The following GRIK2 variants were observed in gnomAD, a reference collection of about 807,000 sequenced individuals.
GRIK2 encodes the protein glutamate receptor ionotropic, kainate 2.
Under a neutral mutation model 100.3 loss-of-function variants are expected in GRIK2, and 32 were observed. That is an observed-to-expected ratio of 0.32 (90% confidence interval 0.24 to 0.43). GRIK2 has a LOEUF of 0.43. GRIK2 is among the 20% of genes least tolerant of loss of function. The pLI, the probability that GRIK2 is intolerant of heterozygous loss-of-function variation, is 1.00. For missense variants in GRIK2, 843 were observed against 1,114.9 expected, an observed-to-expected ratio of 0.76 and a Z score of 3.47; for synonymous variants, 417 against 389.4, an observed-to-expected ratio of 1.07 and a Z score of -0.83.
intron 15 of GRIK2, among the ~76,000 whole-genome samples, chr6:102,048,945 C>A (rs1473614779): frequency 6.6e-6 from 1 of 151,726 alleles, no homozygotes; most frequent in Non-Finnish European, 1.5e-5. Context: ...ACCCAGTAAG[C>A]CCTTTAGACT....
chr6:101,707,282 T>G (rs1161844095), intron 7 of GRIK2, among the ~76,000 whole-genome samples: 2 of 151,442 alleles, frequency 1.3e-5, no homozygotes, highest in Admixed American at 1.3e-4. Flanking sequence ...CAATGAGGCA[T>G]GCCAGCAATG....
In GRIK2 at chr6:101,488,295, C is replaced by T. The variant is rs142214575; in HGVS notation, c.115+88903C>T. ...GAAGTATAACTTCCATAGTTTATGA[C>T]TCCCAAAGTCAATGCAATGTCTTCA... On this transcript the variant is annotated intron_variant, in intron 2 of 16. Transcript: ENST00000369134. Among the ~76,000 whole-genome samples, 4 of 146,830 alleles carry T rather than the reference C, an allele frequency of 2.7e-5. 1 individual carries two copies. The highest frequency in any genetic ancestry group is 3.9e-4 in the East Asian group (2 of 5,142).
intron 12 of GRIK2, among the ~76,000 whole-genome samples, chr6:101,896,602 A>G (rs911656653): frequency 6.6e-6 from 1 of 151,732 alleles, no homozygotes; most frequent in African/African-American, 2.4e-5. Flanking sequence ...CAGAAATTTG[A>G]TAGCCCATCT....
At chr6:101,690,434 A>C (rs1772011301) in intron 7 of GRIK2, among the ~76,000 whole-genome samples, 1 of 152,214 alleles carries the variant, frequency 6.6e-6, no homozygotes, top group East Asian at 1.9e-4. Flanking sequence ...TTACTGTATC[A>C]ATATTTTTCT....
At chr6:102,003,632 GAC>G (rs1318177603) in intron 14 of GRIK2, among the ~76,000 whole-genome samples, 5 of 151,648 alleles carry the variant, frequency 3.3e-5, no homozygotes, top group African/African-American at 1.2e-4. Context: ...GTCCTTGCAT[GAC>G]AAAGGCTGTT....
At chr6:101,650,280 G>C (rs976631242) in intron 4 of GRIK2, among the ~76,000 whole-genome samples, 1 of 152,110 alleles carries the variant, frequency 6.6e-6, no homozygotes, top group East Asian at 1.9e-4. Flanking sequence ...ATTTTCCACT[G>C]TTTGGCTAGA....
chr6:101,515,306 C>T (rs1269560900), intron 2 of GRIK2, among the ~76,000 whole-genome samples: 1 of 152,008 alleles, frequency 6.6e-6, no homozygotes, highest in Non-Finnish European at 1.5e-5. Flanking sequence ...TTTCTTTATC[C>T]ACTGGCTGAT....
At chr6:101,839,913 T>C (rs1303283148) in intron 10 of GRIK2, among the ~76,000 whole-genome samples, 2 of 152,108 alleles carry the variant, frequency 1.3e-5, no homozygotes, top group African/African-American at 4.8e-5. Context: ...TTTCTTGTAA[T>C]ATATTGATCT....
intron 7 of GRIK2, among the ~76,000 whole-genome samples, chr6:101,735,460 T>TAA (rs1467540772): frequency 6.6e-6 from 1 of 152,180 alleles, no homozygotes; most frequent in African/African-American, 2.4e-5. Flanking sequence ...GTAATGGACT[T>TAA]ACAGCTCTGC....
At chr6:101,729,462 C>T (rs140346101) in intron 7 of GRIK2, among the ~76,000 whole-genome samples, 35 of 151,908 alleles carry the variant, frequency 2.3e-4, no homozygotes, top group Admixed American at 1.3e-4. Context: ...ATGTATAGAA[C>T]GTACTAATTA....
At chr6:101,661,417 G>C (rs913024495) in intron 4 of GRIK2, among the ~76,000 whole-genome samples, 1 of 152,082 alleles carries the variant, frequency 6.6e-6, no homozygotes, top group Non-Finnish European at 1.5e-5. Context: ...GGGCTCGGTG[G>C]GGGTGAGATA....
At chr6:101,639,126 A>T (rs1241150895) in intron 4 of GRIK2, among the ~76,000 whole-genome samples, 1 of 151,974 alleles carries the variant, frequency 6.6e-6, no homozygotes, top group Non-Finnish European at 1.5e-5. Context: ...TGCAACCCCC[A>T]CCTTCCGGAT....
chr6:101,767,245 T>C (rs1429139937), intron 7 of GRIK2, among the ~76,000 whole-genome samples: 1 of 152,222 alleles, frequency 6.6e-6, no homozygotes, highest in Non-Finnish European at 1.5e-5. Context: ...TGTGCTTTAG[T>C]TATTTAATTT....
chr6:101,842,998 T>G (rs932811130), intron 10 of GRIK2, among the ~76,000 whole-genome samples: 12 of 152,156 alleles, frequency 7.9e-5, no homozygotes, highest in African/African-American at 2.2e-4. Context: ...AGAAATAGAA[T>G]TCTAGTCATT....
intron 4 of GRIK2, among the ~76,000 whole-genome samples, chr6:101,662,511 A>T (rs1438740184): frequency 1.3e-5 from 2 of 152,126 alleles, no homozygotes; most frequent in Non-Finnish European, 1.5e-5. Context: ...GCAGTCTAAC[A>T]TGATACCCTT....
In GRIK2 at chr6:101,626,487, C is replaced by G. The variant is rs1780446448; in HGVS notation, c.391C>G (p.Gln131Glu). Reference protein sequence around the residue: ...ICNALGVPHIQTRWKHQVSDN... With the variant: ...ICNALGVPHIETRWKHQVSDN... ...CAATGCTCTGGGAGTTCCCCACATACAGACCCGCTGGAAGCACCAGGTGTC... is the reference window on the plus strand; with the variant it reads ...CAATGCTCTGGGAGTTCCCCACATAGAGACCCGCTGGAAGCACCAGGTGTC... The change falls in exon 4 of 17, where the codon CAG (glutamine) becomes GAG (glutamate). Residue 131 changes from glutamine (Q) to glutamate (E), a missense_variant. Gln to Glu is a conservative substitution (Grantham distance 29). Transcript: ENST00000369134. 1 of 1,613,864 alleles carries G rather than the reference C, an allele frequency of 6.2e-7. No individual in the cohort carries two copies. Among genetic ancestry groups the G allele is most frequent in the African/African-American group, 1.3e-5 (1 of 74,894 alleles).
chr6:101,599,020 T>C lies in GRIK2; in HGVS notation c.116-22929T>C, dbSNP rs892267686. On this transcript the variant is annotated intron_variant, in intron 2 of 16. Transcript: ENST00000369134. ...ATTAATGATTTCATCACCCAGGTAGTCAGCATAGTATCCAACAGTTAGTTT... is the reference window on the plus strand; with the variant it reads ...ATTAATGATTTCATCACCCAGGTAGCCAGCATAGTATCCAACAGTTAGTTT... Among the ~76,000 whole-genome samples, 8 of 151,660 alleles carry C rather than the reference T, an allele frequency of 5.3e-5. No individual in the cohort carries two copies. In the Admixed American group the frequency reaches 5.3e-4, roughly 10 times the overall value.
intron 14 of GRIK2, among the ~76,000 whole-genome samples, chr6:101,929,564 C>T (rs1302800971): frequency 2.0e-5 from 3 of 152,060 alleles, no homozygotes; most frequent in Non-Finnish European, 2.9e-5. Context: ...AGAAGTTACA[C>T]GACACATTGA....
At chr6:102,068,211 T>A (rs1428339289) in intron 16 of GRIK2, 136 bp from the exon 17 acceptor site, 2 of 614,402 alleles carry the variant, frequency 3.3e-6, no homozygotes, top group Non-Finnish European at 5.6e-6. Flanking sequence ...ACATTTGTTA[T>A]AACTTTTACA....
Sources: gnomAD v4.1 joint callset for allele counts (sites outside exome capture counted in the v4.1 genomes callset) on GRCh38, gnomAD v4.1.1 for gene constraint, MANE v1.5 for transcripts, NCBI Gene and HGNC (gene_info 2026-07-23, HGNC 2026-07-21) for gene names.